Variants in CNOT4 observed in about 807,000 individuals in gnomAD.
CNOT4 encodes CCR4-NOT transcription complex subunit 4, also known as CCR4-associated factor 4.
A neutral mutation model predicts 73.8 loss-of-function variants in CNOT4; 8 were observed. That is an observed-to-expected ratio of 0.11 (90% CI 0.06 to 0.20). The LOEUF (loss-of-function observed/expected upper bound fraction) is 0.20, where lower values mean the gene tolerates loss of function less well. Among genes scored for constraint, CNOT4 ranks in the 10% least tolerant of loss-of-function variants. The pLI is 1.00. For missense variants in CNOT4, 564 were observed against 883.4 expected, an observed-to-expected ratio of 0.64 and a Z score of 4.58; for synonymous variants, 293 against 321.1, an observed-to-expected ratio of 0.91 and a Z score of 0.94.
chr7:135,446,234 T>C (rs73158941), intron 1 of CNOT4, among the ~76,000 whole-genome samples: 11,231 of 151,974 alleles, frequency 0.074, 560 homozygotes, highest in East Asian at 0.16. Flanking sequence ...ATACAGAAAG[T>C]GGAATAAAGG....
rs1400046150 is a variant in CNOT4, at chr7:135,364,907, G to C, written c.1628-841C>G. 1.3e-5 allele frequency among the ~76,000 whole-genome samples: 2 copies of C among 152,182 alleles called. No homozygotes were observed. On this transcript the variant is annotated intron_variant, in intron 10 of 11. Coordinates refer to ENST00000541284, the MANE Select transcript of CNOT4 (RefSeq NM_001190850.2). The surrounding 1 kb of genome is among the most constrained non-coding windows in gnomAD (Gnocchi z 4.3). ...CACATAGTATAACTAACTGGTCAGG[G>C]GGAAAAGGGTGAAGTATAACAACTA... is the stretch of plus-strand genomic sequence containing the variant.
intron 4 of CNOT4, 125 bp downstream of exon 4, chr7:135,415,049 GTC>G: frequency 1.5e-6 from 1 of 660,318 alleles, no homozygotes; most frequent in Non-Finnish European, 2.7e-6. Context: ...ACCAACAGAG[GTC>G]ACTACATTGC....
chr7:135,484,582 C>G (rs1171454190), intron 1 of CNOT4, among the ~76,000 whole-genome samples: 1 of 151,898 alleles, frequency 6.6e-6, no homozygotes, highest in Admixed American at 6.6e-5. Context: ...ATGGTGAAAC[C>G]CCATTTATAC....
chr7:135,416,510 A>G (rs1208985349), intron 3 of CNOT4, among the ~76,000 whole-genome samples: 1 of 152,178 alleles, frequency 6.6e-6, no homozygotes, highest in Non-Finnish European at 1.5e-5. Context: ...GGCTAACACA[A>G]TGACCCTTAA....
intron 10 of CNOT4, among the ~76,000 whole-genome samples, chr7:135,369,019 T>A (rs1214283891): frequency 6.6e-6 from 1 of 151,864 alleles, no homozygotes. Flanking sequence ...GCCAATGGGT[T>A]TTTCCAGCTG....
chr7:135,504,194 C>T, intron 1 of CNOT4, among the ~76,000 whole-genome samples: 1 of 152,118 alleles, frequency 6.6e-6, no homozygotes, highest in East Asian at 1.9e-4. Context: ...AAATGCTCCA[C>T]CCCTTTGAAA....
At chr7:135,374,581 G>A (rs571460869) in intron 10 of CNOT4, among the ~76,000 whole-genome samples, 6 of 151,974 alleles carry the variant, frequency 3.9e-5, no homozygotes, top group Non-Finnish European at 5.9e-5. Flanking sequence ...ATATGCAAAC[G>A]GAAAGCCAAT....
chr7:135,415,838 C>A (rs1797844515), intron 3 of CNOT4, among the ~76,000 whole-genome samples: 1 of 152,022 alleles, frequency 6.6e-6, no homozygotes, highest in South Asian at 2.1e-4. Flanking sequence ...ATCAGTTTTA[C>A]CATTTCTCAT....
chr7:135,453,151 AAATT>A (rs1461893825), intron 1 of CNOT4, among the ~76,000 whole-genome samples: 2 of 152,170 alleles, frequency 1.3e-5, no homozygotes, highest in African/African-American at 4.8e-5. Flanking sequence ...GGACTCCTAT[AAATT>A]AGTCTTTTTA....
intron 7 of CNOT4, among the ~76,000 whole-genome samples, chr7:135,406,611 C>A (rs113271907): frequency 6.6e-6 from 1 of 152,100 alleles, no homozygotes; most frequent in South Asian, 2.1e-4. Context: ...CAGTGAGCTA[C>A]GATTACACCA....
intron 2 of CNOT4, among the ~76,000 whole-genome samples, chr7:135,431,678 G>T (rs921734447): frequency 6.6e-6 from 1 of 151,496 alleles, no homozygotes; most frequent in African/African-American, 2.4e-5. Flanking sequence ...GGCAGGTGGA[G>T]GATGCAGTGA....
chr7:135,376,282 C>G (rs1795515006), intron 10 of CNOT4, among the ~76,000 whole-genome samples: 1 of 152,212 alleles, frequency 6.6e-6, no homozygotes, highest in Admixed American at 6.5e-5. Flanking sequence ...CATGTCTACT[C>G]TGTACCATTT....
intron 10 of CNOT4, among the ~76,000 whole-genome samples, chr7:135,385,902 T>C (rs531646055): frequency 6.6e-6 from 1 of 152,272 alleles, no homozygotes; most frequent in South Asian, 2.1e-4. Flanking sequence ...CAAGTCACTA[T>C]ACAGAATAGG....
chr7:135,479,198 A>ATTTTT lies in CNOT4; in HGVS notation c.-93+30686_-93+30690dup, dbSNP rs61487024. Among the ~76,000 whole-genome samples, 136 of 89,878 alleles carry ATTTTT rather than the reference A, an allele frequency of 1.5e-3. 10 individuals carry two copies. The highest frequency in any genetic ancestry group is 2.0e-3 in the Non-Finnish European group (93 of 46,162). 59.0% of individuals were successfully genotyped at this position (89,878 alleles called of 152,430 possible). A position where few individuals can be genotyped will look rare whatever the true frequency, so the allele number is the denominator to read the frequency against. On this transcript the variant is annotated intron_variant, in intron 1 of 11. Coordinates refer to ENST00000541284, the MANE Select transcript of CNOT4 (RefSeq NM_001190850.2). ...TCTCACCAAAGCCTATTAGAACCAA[A>ATTTTT]TTTTTTTTTTTTTTTTTTTTTTTTT... is the stretch of plus-strand genomic sequence containing the variant.
chr7:135,398,950 T>C (rs1796855599), intron 7 of CNOT4, among the ~76,000 whole-genome samples: 1 of 152,012 alleles, frequency 6.6e-6, no homozygotes, highest in African/African-American at 2.4e-5. Flanking sequence ...GCATGAGAAA[T>C]GAGACAAAAG....
intron 7 of CNOT4, among the ~76,000 whole-genome samples, chr7:135,404,096 A>G (rs1314302998): frequency 6.6e-6 from 1 of 152,208 alleles, no homozygotes. Flanking sequence ...GGGCCAAGAT[A>G]TCCCAGTTCA....
intron 10 of CNOT4, among the ~76,000 whole-genome samples, chr7:135,381,383 T>C (rs1402884740): frequency 3.3e-5 from 5 of 152,206 alleles, no homozygotes; most frequent in Admixed American, 3.3e-4. Flanking sequence ...AGTAAGACTA[T>C]TACTAACATT....
intron 1 of CNOT4, among the ~76,000 whole-genome samples, chr7:135,477,419 CT>C (rs950175256): frequency 6.6e-6 from 1 of 152,130 alleles, no homozygotes; most frequent in Non-Finnish European, 1.5e-5. Context: ...CACCCATTAA[CT>C]TTTGTTTCCA....
At chr7:135,479,240 C>T (rs1802204554) in intron 1 of CNOT4, among the ~76,000 whole-genome samples, 3 of 113,782 alleles carry the variant, frequency 2.6e-5, no homozygotes, top group African/African-American at 1.0e-4. Context: ...GATGGAGTCT[C>T]GCTCTGTCAC....
Sources: allele counts gnomAD v4.1 joint callset (sites outside exome capture counted in the v4.1 genomes callset), GRCh38; gene constraint gnomAD v4.1.1; non-coding constraint Gnocchi (gnomAD v3.1); transcripts MANE v1.5; gene names NCBI Gene and HGNC (gene_info 2026-07-23, HGNC 2026-07-21).